Variants in EDIL3 observed in about 807,000 individuals in gnomAD.
The protein encoded by EDIL3 is EGF-like repeat and discoidin I-like domain-containing protein 3.
Under a neutral mutation model 67.4 loss-of-function variants are expected in EDIL3, and 37 were observed. The ratio of observed to expected loss-of-function variants is 0.55; its 90% CI spans 0.42 to 0.72. The LOEUF is 0.72. Among genes scored for constraint, EDIL3 ranks in the 30% least tolerant of loss-of-function variants. The probability of loss-of-function intolerance (pLI) is 0.00; values close to 1 mark genes in which losing one functional copy is unlikely to be tolerated. For missense variants in EDIL3, 527 were observed against 586.3 expected, an observed-to-expected ratio of 0.90 and a Z score of 1.04; for synonymous variants, 195 against 196.3, an observed-to-expected ratio of 0.99 and a Z score of 0.05.
intron 5 of EDIL3, among the ~76,000 whole-genome samples, chr5:84,116,269 T>C (rs1237083080): frequency 6.6e-6 from 1 of 151,330 alleles, no homozygotes; most frequent in East Asian, 1.9e-4. Flanking sequence ...CTGAGCTCTG[T>C]CTAATACTAG....
At chr5:84,324,339 C>T (rs1225066856) in intron 1 of EDIL3, among the ~76,000 whole-genome samples, 2 of 151,524 alleles carry the variant, frequency 1.3e-5, no homozygotes, top group Non-Finnish European at 1.5e-5. Context: ...AATAAGCAAA[C>T]ACAATGGAAA....
At chr5:84,311,638 T>C (rs1324404643) in intron 1 of EDIL3, among the ~76,000 whole-genome samples, 8 of 151,798 alleles carry the variant, frequency 5.3e-5, no homozygotes, top group African/African-American at 1.9e-4. Flanking sequence ...AGGACAATAG[T>C]GGAGGGATGG....
At chr5:84,310,409 T>A (rs2112141637) in intron 1 of EDIL3, among the ~76,000 whole-genome samples, 1 of 152,306 alleles carries the variant, frequency 6.6e-6, no homozygotes, top group East Asian at 1.9e-4. Context: ...AACCATGTAT[T>A]CTAAGAACAG....
At chr5:84,126,274 C>T (rs1374598622) in intron 5 of EDIL3, among the ~76,000 whole-genome samples, 1 of 152,026 alleles carries the variant, frequency 6.6e-6, no homozygotes, top group Non-Finnish European at 1.5e-5. Context: ...TCTCCAAAAG[C>T]TTCATCTACA....
At chr5:84,348,722 A>C (rs1453417222) in intron 1 of EDIL3, among the ~76,000 whole-genome samples, 1 of 152,124 alleles carries the variant, frequency 6.6e-6, no homozygotes, top group African/African-American at 2.4e-5. Context: ...CTCCTTGTCC[A>C]TGGTACCCAG....
At chr5:84,371,986 A>T (rs1747865331) in intron 1 of EDIL3, among the ~76,000 whole-genome samples, 1 of 152,176 alleles carries the variant, frequency 6.6e-6, no homozygotes, top group South Asian at 2.1e-4. Flanking sequence ...TTAGTGCCAG[A>T]GATGGGAAAA....
At chr5:84,054,787 C>T (rs1387983446) in intron 9 of EDIL3, among the ~76,000 whole-genome samples, 1 of 151,288 alleles carries the variant, frequency 6.6e-6, no homozygotes, top group African/African-American at 2.4e-5. Context: ...GAACTACAAA[C>T]CACTGCTCAA....
intron 9 of EDIL3, among the ~76,000 whole-genome samples, chr5:84,011,680 T>C (rs549272262): frequency 1.8e-4 from 28 of 152,282 alleles, no homozygotes; most frequent in Middle Eastern, 3.4e-3. Flanking sequence ...CTCGCACTGC[T>C]CTGGTCACAG....
intron 3 of EDIL3, among the ~76,000 whole-genome samples, chr5:84,188,087 C>T (rs1040575934): frequency 1.3e-5 from 2 of 151,906 alleles, no homozygotes; most frequent in African/African-American, 4.8e-5. Flanking sequence ...CCCGCCCCCC[C>T]TTAAAACCTG....
At position 84,042,599 on chromosome 5, in the gene EDIL3, T is replaced by C. The variant is rs1339774385; in HGVS notation, c.1137+17701A>G. Among the ~76,000 whole-genome samples the C allele has an allele frequency of 2.0e-5, 3 of 152,256 alleles. No homozygotes were observed. The East Asian group carries it at 5.8e-4, about 29-fold the overall frequency. On this transcript the variant is annotated intron_variant, in intron 9 of 10. Coordinates refer to ENST00000296591, the MANE Select transcript of EDIL3 (RefSeq NM_005711.5). ...TCCTGGCCTGACACTATTTTTTTAA[T>C]TGAACCTATTCTACTGAGTAAAAGT... is the stretch of plus-strand genomic sequence containing the variant.
chr5:84,269,853 T>A (rs1246654339), intron 1 of EDIL3, among the ~76,000 whole-genome samples: 1 of 152,152 alleles, frequency 6.6e-6, no homozygotes, highest in Non-Finnish European at 1.5e-5. Flanking sequence ...TCTTCTCTAA[T>A]CTCCCCAACG....
At position 83,941,049 on chromosome 5, in the gene EDIL3, T is replaced by C. The variant is rs933414481; in HGVS notation, c.*2370A>G. On this transcript the variant is annotated 3_prime_UTR_variant, in exon 11 of 11. Coordinates refer to ENST00000296591, the MANE Select transcript of EDIL3 (RefSeq NM_005711.5). ...CTTACATGTATTCTACTTATGGTAC[T>C]GTACTGGTTTTAGTGTGAATTTACA... 6.6e-6 allele frequency: 1 copy of C among 152,044 alleles called. No individual in the cohort carries two copies. Among genetic ancestry groups the C allele is most frequent in the African/African-American group, 2.4e-5 (1 of 41,466 alleles). The allele number at this position is 152,044 out of a possible 1,614,324, so 9.4% of individuals were successfully genotyped here. A position where few individuals can be genotyped will look rare whatever the true frequency, so the allele number is the denominator to read the frequency against.
At chr5:84,085,703 C>T (rs1009618405) in intron 6 of EDIL3, among the ~76,000 whole-genome samples, 5 of 152,180 alleles carry the variant, frequency 3.3e-5, no homozygotes, top group African/African-American at 9.6e-5. Context: ...AGTTGGTGCG[C>T]TGTGCTGGGA....
chr5:83,990,207 G>A (rs1325138244), intron 9 of EDIL3, among the ~76,000 whole-genome samples: 2 of 152,160 alleles, frequency 1.3e-5, no homozygotes, highest in East Asian at 1.9e-4. Flanking sequence ...CTAACAAACC[G>A]GCCAGGCACA....
At chr5:83,973,710 C>A (rs984348672) in intron 9 of EDIL3, among the ~76,000 whole-genome samples, 2 of 151,922 alleles carry the variant, frequency 1.3e-5, no homozygotes, top group Admixed American at 1.3e-4. Context: ...ACTGGTGTTT[C>A]CAAACACAAA....
At position 83,951,309 on chromosome 5, in the gene EDIL3, A is replaced by G. The variant is rs1299743622; in HGVS notation, c.1294-7741T>C. On this transcript the variant is annotated intron_variant, in intron 10 of 10. Transcript: ENST00000296591. ...CTAAAGTTTGCTTTCTATTGTAACT[A>G]TGTAAAAAAGTAGATTTTTGGCTTC... 2.6e-5 allele frequency among the ~76,000 whole-genome samples: 4 copies of G among 151,820 alleles called. No individual in the cohort carries two copies. In the South Asian group the frequency reaches 8.3e-4, roughly 31 times the overall value.
intron 4 of EDIL3, among the ~76,000 whole-genome samples, chr5:84,173,381 A>G (rs562403032): frequency 1.3e-5 from 2 of 152,124 alleles, no homozygotes; most frequent in Non-Finnish European, 2.9e-5. Context: ...GACTACAAAG[A>G]GGTGCCAGAC....
At chr5:84,229,662 T>C (rs1744527082) in intron 3 of EDIL3, among the ~76,000 whole-genome samples, 193 bp downstream of exon 3, 1 of 152,180 alleles carries the variant, frequency 6.6e-6, no homozygotes, top group Admixed American at 6.5e-5. Context: ...TCTCCTTTTA[T>C]TCAAAACTCT....
At chr5:84,041,859 T>C (rs1746132544) in intron 9 of EDIL3, among the ~76,000 whole-genome samples, 1 of 151,962 alleles carries the variant, frequency 6.6e-6, no homozygotes, top group Non-Finnish European at 1.5e-5. Context: ...CCTACAGCTT[T>C]GGGGATTAAA....
Sources: gnomAD v4.1 joint callset for allele counts (sites outside exome capture counted in the v4.1 genomes callset) on GRCh38, gnomAD v4.1.1 for gene constraint, MANE v1.5 for transcripts, NCBI Gene and HGNC (gene_info 2026-07-23, HGNC 2026-07-21) for gene names.